LRRIQ1: variants seen among roughly 807,000 people sequenced by gnomAD.
LRRIQ1 encodes leucine rich repeats and IQ motif containing 1, also known as leucine-rich repeat- and IQ domain-containing protein 1.
LRRIQ1 carries 210 observed loss-of-function variants against 211.9 expected under a neutral mutation model. That is an observed-to-expected ratio of 0.99 (90% CI 0.89 to 1.11). The LOEUF is 1.11. LRRIQ1 is among the 50% of genes most tolerant of loss of function. The probability of loss-of-function intolerance (pLI) is 0.00; values close to 1 mark genes in which losing one functional copy is unlikely to be tolerated. For synonymous variants in LRRIQ1, 699 were observed against 650.1 expected, an observed-to-expected ratio of 1.08 and a Z score of -1.14; for missense variants, 2,136 against 1,939.5, an observed-to-expected ratio of 1.10 and a Z score of -1.90.
intron 24 of LRRIQ1, among the ~76,000 whole-genome samples, chr12:85,202,612 T>C (rs1120215): frequency 0.017 from 2,546 of 152,256 alleles, 64 homozygotes; most frequent in African/African-American, 0.059. Flanking sequence ...ACCCCTGATT[T>C]TTCTCTGTTT....
chr12:85,197,851 T>C (rs904938842), intron 24 of LRRIQ1, among the ~76,000 whole-genome samples: 11 of 135,490 alleles, frequency 8.1e-5, no homozygotes, highest in Admixed American at 5.0e-4. Flanking sequence ...TTATATTTAT[T>C]ATAAATATAA....
chr12:85,091,458 C>G (rs1402328763), intron 11 of LRRIQ1, among the ~76,000 whole-genome samples: 1 of 152,024 alleles, frequency 6.6e-6, no homozygotes, highest in African/African-American at 2.4e-5. Context: ...TCTGTTTACT[C>G]TGTTGATAGT....
chr12:85,255,662 T>C (rs1896068556), intron 1 of LRRIQ1, among the ~76,000 whole-genome samples: 2 of 151,776 alleles, frequency 1.3e-5, no homozygotes, highest in South Asian at 2.1e-4. Context: ...GCAAGAGTTA[T>C]TCTCTAGCAA....
chr12:85,231,141 AAC>A (rs1015265738), intron 25 of LRRIQ1, among the ~76,000 whole-genome samples: 2 of 152,224 alleles, frequency 1.3e-5, no homozygotes, highest in African/African-American at 4.8e-5. Flanking sequence ...ATGAGTATCA[AAC>A]ACACAAACAA....
At position 85,150,495 on chromosome 12, in the gene LRRIQ1, A is replaced by G. The variant is rs186648105; in HGVS notation, c.4330-1785A>G. Among the ~76,000 whole-genome samples the G allele has an allele frequency of 7.2e-5, 11 of 151,964 alleles. No homozygotes were observed. In the East Asian group the frequency reaches 2.1e-3, roughly 30 times the overall value. On this transcript the variant is annotated intron_variant, in intron 19 of 26. Coordinates refer to ENST00000393217, the MANE Select transcript of LRRIQ1 (RefSeq NM_001079910.2). ...GAGCTAAAGAGAGAATTCTGATTGT[A>G]TAAATCAGTGGGAGTTTACTGAGTT... is the stretch of plus-strand genomic sequence containing the variant.
intron 15 of LRRIQ1, among the ~76,000 whole-genome samples, chr12:85,108,754 C>T (rs1011246006): frequency 6.6e-5 from 10 of 152,008 alleles, no homozygotes; most frequent in Non-Finnish European, 1.3e-4. Flanking sequence ...ACTGTCATTT[C>T]ACTGGTACAT....
At chr12:85,198,416 A>G (rs1893113617) in intron 24 of LRRIQ1, among the ~76,000 whole-genome samples, 2 of 151,752 alleles carry the variant, frequency 1.3e-5, no homozygotes, top group South Asian at 4.1e-4. Context: ...ACAAATTTAT[A>G]TCCCCACCAG....
intron 18 of LRRIQ1, among the ~76,000 whole-genome samples, chr12:85,135,957 T>A (rs985519945): frequency 6.6e-6 from 1 of 151,962 alleles, no homozygotes. Context: ...GTACATTCAA[T>A]GTACTTAGTT....
intron 23 of LRRIQ1, among the ~76,000 whole-genome samples, chr12:85,159,349 G>GT (rs1247862519): frequency 1.3e-5 from 2 of 151,684 alleles, no homozygotes; most frequent in Admixed American, 6.6e-5. Flanking sequence ...AAGAATGTAA[G>GT]TTTTTTTTCT....
At chr12:85,116,947 A>G (rs372049925) in intron 15 of LRRIQ1, among the ~76,000 whole-genome samples, 6 of 150,850 alleles carry the variant, frequency 4.0e-5, no homozygotes, top group African/African-American at 1.2e-4. Flanking sequence ...TCTTTATCCA[A>G]TCTGTCATTG....
intron 1 of LRRIQ1, among the ~76,000 whole-genome samples, chr12:85,262,597 C>A (rs1896329792): frequency 6.6e-6 from 1 of 151,678 alleles, no homozygotes; most frequent in South Asian, 2.1e-4. Flanking sequence ...ATATAAGTAC[C>A]TTAAAACTAA....
At position 85,182,644 on chromosome 12, in the gene LRRIQ1, C is replaced by T. The variant is rs138065229; in HGVS notation, c.4822+21930C>T. On this transcript the variant is annotated intron_variant, in intron 24 of 26. Transcript: ENST00000393217. ...AATGTGAGCTCACACAATAGAGGCC[C>T]GCACATTGAAATATTTTCTCATTTT... 1.6e-3 allele frequency among the ~76,000 whole-genome samples: 250 copies of T among 152,176 alleles called. No homozygotes were observed. In the Middle Eastern group the frequency reaches 0.037, roughly 23 times the overall value.
At chr12:85,217,337 G>A (rs1377819524) in intron 24 of LRRIQ1, among the ~76,000 whole-genome samples, 1 of 149,868 alleles carries the variant, frequency 6.7e-6, no homozygotes. Flanking sequence ...GGTTTCTTTT[G>A]AAATAAAAGT....
chr12:85,196,017 T>C (rs1892886045), intron 24 of LRRIQ1, among the ~76,000 whole-genome samples: 1 of 151,924 alleles, frequency 6.6e-6, no homozygotes, highest in Non-Finnish European at 1.5e-5. Flanking sequence ...TCACAAGCAT[T>C]CTTATACACC....
chr12:85,047,665 G>A, intron 6 of LRRIQ1, 195 bp downstream of exon 6: 2 of 487,890 alleles, frequency 4.1e-6, no homozygotes, highest in Non-Finnish European at 7.4e-6. Context: ...TTCATTGGAA[G>A]GTCAGACACA....
At chr12:85,263,679 T>G (rs182915900) in exon 2 of LRRIQ1, 12 of 152,146 alleles carry the variant, frequency 7.9e-5, no homozygotes, top group Admixed American at 7.2e-4. Flanking sequence ...GTCAGATGTT[T>G]ATTACCCTTA....
At chr12:85,053,811 C>T (rs972315509) in intron 7 of LRRIQ1, among the ~76,000 whole-genome samples, 1 of 152,128 alleles carries the variant, frequency 6.6e-6, no homozygotes, top group Non-Finnish European at 1.5e-5. Context: ...GGGTTCACGC[C>T]ATTCTCCTGC....
At chr12:85,177,771 T>C (rs1565886368) in intron 24 of LRRIQ1, among the ~76,000 whole-genome samples, 2 of 152,116 alleles carry the variant, frequency 1.3e-5, no homozygotes, top group South Asian at 4.1e-4. Context: ...GTAACAATTA[T>C]GGAACATATG....
chr12:85,217,550 GTA>G lies in LRRIQ1; in HGVS notation c.4823-11962_4823-11961del, dbSNP rs200921929. On this transcript the variant is annotated intron_variant, in intron 24 of 26. Coordinates refer to ENST00000393217, the MANE Select transcript of LRRIQ1 (RefSeq NM_001079910.2). Reference sequence around the variant, plus strand: ...TGTGTGTGTGTGTGTGTGTGTGTGTGTATATAGGTATATATATGTGTGTATAC... The same window carrying G: ...TGTGTGTGTGTGTGTGTGTGTGTGTGTATAGGTATATATATGTGTGTATAC... Among the ~76,000 whole-genome samples the G allele has an allele frequency of 1.8e-3, 177 of 99,718 alleles. 4 individuals carry two copies. The East Asian group carries it at 0.022, about 12-fold the overall frequency. The allele number at this position is 99,718 out of a possible 152,430, so 65.4% of individuals were successfully genotyped here. A position where few individuals can be genotyped will look rare whatever the true frequency, so the allele number is the denominator to read the frequency against.
Sources: gnomAD v4.1 joint callset for allele counts (sites outside exome capture counted in the v4.1 genomes callset) on GRCh38, gnomAD v4.1.1 for gene constraint, MANE v1.5 for transcripts, NCBI Gene and HGNC (gene_info 2026-07-23, HGNC 2026-07-21) for gene names.